The following NUBP1 variants were observed in gnomAD, a reference collection of about 807,000 sequenced individuals.
The protein encoded by NUBP1 is NUBP iron-sulfur cluster assembly factor 1, cytosolic.
NUBP1 carries 46 observed loss-of-function variants against 41.8 expected under a neutral mutation model. The observed-to-expected ratio is 1.10, with a 90% CI of 0.87 to 1.41. NUBP1 has a LOEUF of 1.41. NUBP1 is among the 40% of genes most tolerant of loss of function. NUBP1 has a pLI of 0.00. For missense variants in NUBP1, 494 were observed against 414.0 expected, an observed-to-expected ratio of 1.19 and a Z score of -1.68; for synonymous variants, 189 against 154.6, an observed-to-expected ratio of 1.22 and a Z score of -1.65.
intron 7 of NUBP1, among the ~76,000 whole-genome samples, chr16:10,760,413 T>C (rs1900863173): frequency 6.6e-6 from 1 of 152,186 alleles, no homozygotes; most frequent in Non-Finnish European, 1.5e-5. Context: ...TGGCTTAATA[T>C]AGTATAGTAT....
In NUBP1 at chr16:10,747,126, T is replaced by TTTGATTTCC; in HGVS notation, c.125-14_125-13insATTTCCTTG. 1 of 1,613,572 alleles carries TTTGATTTCC rather than the reference T, an allele frequency of 6.2e-7. No homozygotes were observed. The highest frequency in any genetic ancestry group is 8.5e-7 in the Non-Finnish European group (1 of 1,179,606). On this transcript the variant is annotated splice_polypyrimidine_tract_variant and intron_variant, in intron 2 of 10. Coordinates refer to ENST00000283027, the MANE Select transcript of NUBP1 (RefSeq NM_002484.4). The stretch of plus-strand genomic sequence containing the variant: ...TGGTGTGGGACCTCATCCCCTGAAC[T>TTTGATTTCC]TTGGTTTTCTTTGCAGCTATAGAGG...
chr16:10,764,855 TGG>T (rs1362902275), intron 9 of NUBP1, among the ~76,000 whole-genome samples: 2 of 134,630 alleles, frequency 1.5e-5, no homozygotes, highest in Non-Finnish European at 3.2e-5. Flanking sequence ...ATCTGTCTGC[TGG>T]AGTATGTCAG....
intron 2 of NUBP1, among the ~76,000 whole-genome samples, chr16:10,744,308 A>G (rs1274812422): frequency 6.6e-6 from 1 of 152,150 alleles, no homozygotes; most frequent in African/African-American, 2.4e-5. Context: ...CCTGGCGCGG[A>G]TGGAGGGTGG....
At position 10,757,708 on chromosome 16, in the gene NUBP1, G is replaced by A. The variant is rs1394030152; in HGVS notation, c.452-165G>A. Among the ~76,000 whole-genome samples, 1 of 152,068 alleles carries A rather than the reference G, an allele frequency of 6.6e-6. No individual in the cohort carries two copies. The highest frequency in any genetic ancestry group is 6.6e-5 in the Admixed American group (1 of 15,260). On this transcript the variant is annotated intron_variant, in intron 6 of 10. Transcript: ENST00000283027. This position sits in a 1 kb window ranked among gnomAD's most constrained non-coding sequence, Gnocchi z 4.1. Reference sequence around the variant, plus strand: ...CTGGGCACAGTGGCACGCACTTATAGTCCTAGTTACTTGGGAGGCTGAGGT... The same window carrying A: ...CTGGGCACAGTGGCACGCACTTATAATCCTAGTTACTTGGGAGGCTGAGGT...
Position 10,743,874 on chromosome 16 carries a change from T to A in NUBP1, c.11T>A (p.Val4Glu). 1.9e-6 allele frequency: 3 copies of A among 1,564,646 alleles called. No homozygotes were observed. Among genetic ancestry groups the A allele is most frequent in the Non-Finnish European group, 2.6e-6 (3 of 1,156,016 alleles). The stretch of plus-strand genomic sequence containing the variant: ...GGCAAAGGCGACGGAATGGAGGAGG[T>A]GCCTCACGGTAAGCTCGCGGAGGGG... The part of the protein sequence containing the change: MEE[V>E]PHDCPGADSA... The change falls in exon 1 of 11, where the codon GTG becomes GAG. Residue 4 changes from valine to glutamate, a missense_variant. Physicochemically the swap from Val to Glu is moderately radical, Grantham distance 121. Coordinates refer to ENST00000283027, the MANE Select transcript of NUBP1 (RefSeq NM_002484.4).
chr16:10,745,400 A>G (rs1900013719), intron 2 of NUBP1, among the ~76,000 whole-genome samples: 2 of 152,024 alleles, frequency 1.3e-5, no homozygotes, highest in Non-Finnish European at 2.9e-5. Context: ...GGTTGCAGTG[A>G]GCTGAGATCG....
At chr16:10,751,184 T>C (rs1480630994) in intron 3 of NUBP1, among the ~76,000 whole-genome samples, 2 of 152,028 alleles carry the variant, frequency 1.3e-5, no homozygotes. Flanking sequence ...GGGAGTGAAA[T>C]TCCTCTAAAG....
chr16:10,761,726 A>T (rs372881425), intron 8 of NUBP1, 31 bp from the exon 9 acceptor site: 7 of 1,553,440 alleles, frequency 4.5e-6, no homozygotes, highest in African/African-American at 1.4e-5. Context: ...CAAAAAAATT[A>T]TGTTTCCTCC....
intron 4 of NUBP1, among the ~76,000 whole-genome samples, chr16:10,754,463 G>C (rs917322767): frequency 1.3e-5 from 2 of 151,330 alleles, no homozygotes; most frequent in African/African-American, 4.9e-5. Flanking sequence ...GGCTGGTCTC[G>C]AACTCCTGAC....
intron 7 of NUBP1, chr16:10,761,038 A>C (rs1033115262): frequency 1.3e-5 from 3 of 232,674 alleles, no homozygotes; most frequent in Non-Finnish European, 2.6e-5. Flanking sequence ...AGTGAGAGAG[A>C]GAGTGTGTAG....
chr16:10,759,297 G>A lies in NUBP1; in HGVS notation c.606+1270G>A, dbSNP rs554750862. 2.6e-5 allele frequency among the ~76,000 whole-genome samples: 4 copies of A among 152,290 alleles called. No homozygotes were observed. Among genetic ancestry groups the A allele is most frequent in the East Asian group, 1.9e-4 (1 of 5,184 alleles). ...CCCAGCGGCCATGGGAAGGGTGTCC[G>A]GGTCAGAAAATGGTGCAAGATTCAT... On this transcript the variant is annotated intron_variant, in intron 7 of 10. Coordinates refer to ENST00000283027, the MANE Select transcript of NUBP1 (RefSeq NM_002484.4). This position sits in a 1 kb window ranked among gnomAD's most constrained non-coding sequence, Gnocchi z 4.7.
rs570530811 is a variant in NUBP1 at position 10,759,133 on chromosome 16, G to A, written c.606+1106G>A. ...ACGACCCATAGTCTCACCTCATCCA[G>A]CACTCACTGAGCTCTGACTCTGACA... On this transcript the variant is annotated intron_variant, in intron 7 of 10. Transcript: ENST00000283027. The surrounding 1 kb of genome is among the most constrained non-coding windows in gnomAD (Gnocchi z 4.7). 9.1e-4 allele frequency among the ~76,000 whole-genome samples: 138 copies of A among 152,302 alleles called. No individual in the cohort carries two copies. The highest frequency in any genetic ancestry group is 2.9e-3 in the African/African-American group (121 of 41,574).
At position 10,768,971 on chromosome 16, in the gene NUBP1, C is replaced by A; in HGVS notation, c.905-76C>A. ...GATTCCACCCCTGTCAAAACACAGCCCTCCCCAGCACAGGACAGGGCTGTC... is the reference window on the plus strand; with the variant it reads ...GATTCCACCCCTGTCAAAACACAGCACTCCCCAGCACAGGACAGGGCTGTC... On this transcript the variant is annotated intron_variant, in intron 10 of 10. Coordinates refer to ENST00000283027, the MANE Select transcript of NUBP1 (RefSeq NM_002484.4). This position sits in a 1 kb window ranked among gnomAD's most constrained non-coding sequence, Gnocchi z 4.3. The A allele has an allele frequency of 7.5e-7, 1 of 1,336,216 alleles. No homozygotes were observed. The highest frequency in any genetic ancestry group is 1.1e-6 in the Non-Finnish European group (1 of 933,254). The allele number at this position is 1,336,216 out of a possible 1,614,324, so 82.8% of individuals were successfully genotyped here.
chr16:10,747,540 C>T (rs1052347865), intron 3 of NUBP1, among the ~76,000 whole-genome samples: 6 of 152,176 alleles, frequency 3.9e-5, no homozygotes, highest in African/African-American at 1.4e-4. Context: ...GAGGATGAGC[C>T]ATGAGAATCG....
At chr16:10,756,242 G>T (rs534309588) in intron 5 of NUBP1, among the ~76,000 whole-genome samples, 1 of 152,146 alleles carries the variant, frequency 6.6e-6, no homozygotes, top group East Asian at 1.9e-4. Context: ...AGCCGAGCAT[G>T]GTGGCACGCG....
chr16:10,764,978 C>G (rs1354915124), intron 9 of NUBP1: 1 of 169,282 alleles, frequency 5.9e-6, no homozygotes, highest in African/African-American at 2.4e-5. Context: ...CAGGGCATTC[C>G]TGAGCCCACT....
intron 4 of NUBP1, 48 bp from the exon 5 acceptor site, chr16:10,755,673 A>G: frequency 6.3e-7 from 1 of 1,584,010 alleles, no homozygotes; most frequent in Non-Finnish European, 8.7e-7. Flanking sequence ...AAATGTGACC[A>G]GGGTACATGA....
chr16:10,758,345 C>T (rs1363058083), intron 7 of NUBP1, among the ~76,000 whole-genome samples: 5 of 152,116 alleles, frequency 3.3e-5, no homozygotes, highest in East Asian at 3.9e-4. Context: ...TGGTGGCTCG[C>T]GCCTGTAGTT....
Position 10,768,006 on chromosome 16 carries a change from CG to C in NUBP1, c.879del (p.Leu294Ter). On this transcript the variant is annotated frameshift_variant, in exon 10 of 11. Transcript: ENST00000283027. LOFTEE classifies it low-confidence loss of function (END_TRUNC). This position sits in a 1 kb window ranked among gnomAD's most constrained non-coding sequence, Gnocchi z 4.3. ...FFIDAPDSPA[T>X]LAYRSIIQRI... is the part of the protein sequence containing the mutation. ...ATTGACGCCCCAGATTCCCCAGCCACGTTAGCCTACAGAAGTATAATTCAGA... is the reference window on the plus strand; with the variant it reads ...ATTGACGCCCCAGATTCCCCAGCCACTTAGCCTACAGAAGTATAATTCAGA... The C allele has an allele frequency of 6.2e-7, 1 of 1,614,080 alleles. No homozygotes were observed. The highest frequency in any genetic ancestry group is 8.5e-7 in the Non-Finnish European group (1 of 1,180,000).
Sources: gnomAD v4.1 joint callset for allele counts (sites outside exome capture counted in the v4.1 genomes callset) on GRCh38, gnomAD v4.1.1 for gene constraint, Gnocchi (gnomAD v3.1) non-coding constraint, MANE v1.5 for transcripts, NCBI Gene and HGNC (gene_info 2026-07-23, HGNC 2026-07-21) for gene names.